GALNT13: variants seen among roughly 807,000 people sequenced by gnomAD.
The protein encoded by GALNT13 is UDP-GalNAc:polypeptide N-acetylgalactosaminyltransferase 13.
Under a neutral mutation model 64.2 loss-of-function variants are expected in GALNT13, and 28 were observed. The ratio of observed to expected loss-of-function variants is 0.44; its 90% CI spans 0.32 to 0.60. The LOEUF is 0.60. Ranked by LOEUF, GALNT13 falls within the 20% of genes least tolerant of loss-of-function variation. The pLI, the probability that GALNT13 is intolerant of heterozygous loss-of-function variation, is 0.05. For missense variants in GALNT13, 577 were observed against 669.8 expected (o/e 0.86, Z 1.53); for synonymous variants, 214 against 224.6 (o/e 0.95, Z 0.42).
the GALNT13 span, among the ~76,000 whole-genome samples, chr2:153,076,518 C>T: frequency 6.6e-6 from 1 of 151,692 alleles, no homozygotes; most frequent in African/African-American, 2.4e-5. Context: ...GAATTTTTTC[C>T]CTCTTCAGTT....
At chr2:153,758,282 A>G in the GALNT13 span, among the ~76,000 whole-genome samples, 3 of 147,680 alleles carry the variant, frequency 2.0e-5, no homozygotes, top group South Asian at 2.1e-4. Context: ...TCAAAAATCA[A>G]TTGACAGTGA....
At chr2:153,892,719 A>G (rs979861093) in intron 1 of GALNT13, among the ~76,000 whole-genome samples, 28 of 152,144 alleles carry the variant, frequency 1.8e-4, no homozygotes, top group African/African-American at 6.7e-4. Flanking sequence ...TTTTCAATGA[A>G]ATATAAATTT....
chr2:153,954,284 C>T (rs1309182754), intron 3 of GALNT13, among the ~76,000 whole-genome samples: 1 of 151,894 alleles, frequency 6.6e-6, no homozygotes, highest in East Asian at 1.9e-4. Flanking sequence ...TTGGAATTGC[C>T]CTTAATAAGT....
chr2:153,096,841 T>C, the GALNT13 span, among the ~76,000 whole-genome samples: 6 of 152,266 alleles, frequency 3.9e-5, no homozygotes, highest in East Asian at 5.8e-4. Flanking sequence ...CTTTTGATTG[T>C]AAAGTTTAGT....
At chr2:153,829,537 A>G in the GALNT13 span, among the ~76,000 whole-genome samples, 1 of 152,086 alleles carries the variant, frequency 6.6e-6, no homozygotes, top group East Asian at 1.9e-4. Context: ...CCATGATTCA[A>G]TTACCTCCTA....
chr2:153,847,954 C>T, the GALNT13 span, among the ~76,000 whole-genome samples: 1 of 152,168 alleles, frequency 6.6e-6, no homozygotes, highest in Non-Finnish European at 1.5e-5. Flanking sequence ...AATTTGAGTT[C>T]CATCTTGAGG....
At chr2:153,569,763 A>G in the GALNT13 span, among the ~76,000 whole-genome samples, 1 of 152,096 alleles carries the variant, frequency 6.6e-6, no homozygotes, top group Non-Finnish European at 1.5e-5. Context: ...ACTCTGTTAT[A>G]TTATCAAATA....
chr2:153,670,639 C>T, the GALNT13 span, among the ~76,000 whole-genome samples: 1 of 152,206 alleles, frequency 6.6e-6, no homozygotes, highest in Non-Finnish European at 1.5e-5. Context: ...CAGAATGCCT[C>T]TTCTCCTCCA....
chr2:154,412,719 T>C lies in GALNT13; in HGVS notation c.1395+3637T>C, dbSNP rs139989582. Among the ~76,000 whole-genome samples, 3 of 151,886 alleles carry C rather than the reference T, an allele frequency of 2.0e-5. No individual in the cohort carries two copies. In the East Asian group the frequency reaches 5.8e-4, roughly 29 times the overall value. ...CTCAGATTTCCCAGCAAAATCTAAA[T>C]GGAGTTAATGAAAGTTTTTGTAGCA... is the stretch of plus-strand genomic sequence containing the variant. On this transcript the variant is annotated intron_variant, in intron 11 of 12. Coordinates refer to ENST00000392825, the MANE Select transcript of GALNT13 (RefSeq NM_052917.4).
At chr2:154,039,654 A>G (rs886557537) in intron 3 of GALNT13, among the ~76,000 whole-genome samples, 2 of 139,544 alleles carry the variant, frequency 1.4e-5, no homozygotes, top group African/African-American at 4.9e-5. Context: ...TACCTAATGG[A>G]TGCAGAATTA....
At chr2:153,118,340 C>T in the GALNT13 span, among the ~76,000 whole-genome samples, 2 of 152,300 alleles carry the variant, frequency 1.3e-5, no homozygotes, top group Middle Eastern at 3.4e-3. Flanking sequence ...ACAGGCTGTC[C>T]TTCCTTCCCA....
the GALNT13 span, among the ~76,000 whole-genome samples, chr2:153,672,390 T>A: frequency 1.5e-4 from 23 of 152,268 alleles, no homozygotes; most frequent in African/African-American, 5.5e-4. Flanking sequence ...AAATCAGCAT[T>A]AAGAAACTCA....
chr2:154,409,457 G>T, intron 11 of GALNT13: 1 of 223,812 alleles, frequency 4.5e-6, no homozygotes, highest in Non-Finnish European at 8.8e-6. Flanking sequence ...TCTCTTTTCA[G>T]ATTTTTATGT....
chr2:153,664,630 T>C, the GALNT13 span, among the ~76,000 whole-genome samples: 21 of 152,192 alleles, frequency 1.4e-4, no homozygotes, highest in Admixed American at 1.3e-3. Context: ...TAAATGTCCA[T>C]GAAATCTTCA....
At chr2:153,190,337 A>C in the GALNT13 span, among the ~76,000 whole-genome samples, 425 of 152,132 alleles carry the variant, frequency 2.8e-3, 2 homozygotes, top group Non-Finnish European at 4.4e-3. Context: ...TATTGAAGAG[A>C]GTGTCTTTCC....
At chr2:154,022,522 C>A (rs1697587009) in intron 3 of GALNT13, among the ~76,000 whole-genome samples, 1 of 152,134 alleles carries the variant, frequency 6.6e-6, no homozygotes, top group Admixed American at 6.5e-5. Context: ...GTTTGTATTT[C>A]TGTGGGATCA....
chr2:153,536,769 A>G, the GALNT13 span, among the ~76,000 whole-genome samples: 4 of 152,216 alleles, frequency 2.6e-5, no homozygotes, highest in Non-Finnish European at 4.4e-5. Flanking sequence ...GTAAATCAGA[A>G]ATTTTAAAAT....
intron 3 of GALNT13, among the ~76,000 whole-genome samples, chr2:154,062,941 AG>A (rs1235511179): frequency 6.6e-6 from 1 of 151,720 alleles, no homozygotes; most frequent in Non-Finnish European, 1.5e-5. Flanking sequence ...ACAGTCATTT[AG>A]CATCGATGTG....
At chr2:153,360,419 G>A in the GALNT13 span, among the ~76,000 whole-genome samples, 1,685 of 152,322 alleles carry the variant, frequency 0.011, 9 homozygotes, top group Middle Eastern at 0.027. Context: ...ACTCCTTGGG[G>A]GAGGGGCGGC....
Sources: allele counts gnomAD v4.1 joint callset (sites outside exome capture counted in the v4.1 genomes callset), GRCh38; gene constraint gnomAD v4.1.1; transcripts MANE v1.5; gene names NCBI Gene and HGNC (gene_info 2026-07-23, HGNC 2026-07-21).